Variants in GRM7 observed in about 807,000 individuals in gnomAD.
The protein encoded by GRM7 is glutamate metabotropic receptor 7.
GRM7 carries 35 observed loss-of-function variants against 84.5 expected under a neutral mutation model. That is an observed-to-expected ratio of 0.41 (90% CI 0.32 to 0.55). The LOEUF is 0.55. GRM7 is among the 20% of genes least tolerant of loss of function. GRM7 has a pLI of 0.19. For missense variants in GRM7, 1,003 were observed against 1,194.6 expected, an observed-to-expected ratio of 0.84 and a Z score of 2.36; for synonymous variants, 487 against 455.1, an observed-to-expected ratio of 1.07 and a Z score of -0.89.
chr3:6,963,314 A>G (rs1387474848), intron 1 of GRM7, among the ~76,000 whole-genome samples: 2 of 152,220 alleles, frequency 1.3e-5, no homozygotes, highest in African/African-American at 2.4e-5. Context: ...AGCAACCCCA[A>G]ATATCTACTA....
intron 8 of GRM7, among the ~76,000 whole-genome samples, chr3:7,653,180 C>CAT (rs1440978783): frequency 1.0e-4 from 9 of 89,518 alleles, no homozygotes; most frequent in African/African-American, 3.8e-4. Context: ...ATACTATATC[C>CAT]TTTTTTTTTT....
intron 2 of GRM7, among the ~76,000 whole-genome samples, chr3:7,267,331 G>GA (rs1354860713): frequency 3.9e-4 from 60 of 152,266 alleles, no homozygotes; most frequent in African/African-American, 1.4e-3. Flanking sequence ...AGGCTAATAA[G>GA]AAAAAGCATT....
intron 4 of GRM7, among the ~76,000 whole-genome samples, chr3:7,363,980 T>C (rs1400133147): frequency 7.2e-5 from 11 of 152,066 alleles, no homozygotes; most frequent in Admixed American, 7.2e-4. Flanking sequence ...AAAAAGAAAG[T>C]TTATTCTCCA....
At chr3:7,609,900 G>T (rs1431228732) in intron 8 of GRM7, among the ~76,000 whole-genome samples, 2 of 152,158 alleles carry the variant, frequency 1.3e-5, no homozygotes, top group Admixed American at 6.5e-5. Context: ...ACACCAGACA[G>T]AATTAAGTTC....
intron 4 of GRM7, among the ~76,000 whole-genome samples, chr3:7,356,615 T>G (rs765489890): frequency 2.8e-4 from 43 of 152,214 alleles, no homozygotes; most frequent in Non-Finnish European, 5.0e-4. Context: ...CAGAGGAAGA[T>G]TTTAATAATC....
At chr3:7,571,512 C>T (rs937879957) in intron 7 of GRM7, among the ~76,000 whole-genome samples, 5 of 151,872 alleles carry the variant, frequency 3.3e-5, no homozygotes, top group South Asian at 2.1e-4. Context: ...TGCTCCAGTT[C>T]CCAACAAGTT....
intron 9 of GRM7, chr3:7,693,514 T>C: frequency 1.4e-6 from 1 of 700,120 alleles, no homozygotes; most frequent in Non-Finnish European, 2.6e-6. Context: ...TACATTTTTG[T>C]TCTTGGACCT....
Position 6,863,120 on chromosome 3 carries a change from T to A in GRM7, c.519+1213T>A, listed in dbSNP as rs1694818970. 1 of 348,288 alleles carries A rather than the reference T, an allele frequency of 2.9e-6. No homozygotes were observed. 21.6% of individuals were successfully genotyped at this position (348,288 alleles called of 1,614,324 possible). On this transcript the variant is annotated intron_variant, in intron 1 of 9. Coordinates refer to ENST00000357716, the MANE Select transcript of GRM7 (RefSeq NM_000844.4). The surrounding 1 kb of genome is among the most constrained non-coding windows in gnomAD (Gnocchi z 4.8). ...ACTCTCTCTTTCTGTCTCTGTCTCC[T>A]TGCTGTTTTTTTTTTCTCTCTGTTT...
intron 7 of GRM7, among the ~76,000 whole-genome samples, chr3:7,542,070 T>C (rs1692910532): frequency 6.6e-6 from 1 of 152,224 alleles, no homozygotes; most frequent in Admixed American, 6.5e-5. Flanking sequence ...TCTCTTTTTA[T>C]GAGGACACTA....
chr3:6,969,818 C>T (rs1393247217), intron 1 of GRM7, among the ~76,000 whole-genome samples: 1 of 152,092 alleles, frequency 6.6e-6, no homozygotes, highest in Non-Finnish European at 1.5e-5. Context: ...AATCTCCATC[C>T]CCAGACAGAC....
intron 1 of GRM7, among the ~76,000 whole-genome samples, chr3:6,952,440 T>G (rs1692823882): frequency 6.6e-6 from 1 of 152,160 alleles, no homozygotes; most frequent in African/African-American, 2.4e-5. Flanking sequence ...GGTCTCTTTG[T>G]GTGCAGCTCT....
intron 9 of GRM7, among the ~76,000 whole-genome samples, chr3:7,738,804 T>C (rs1318490933): frequency 1.3e-5 from 2 of 151,960 alleles, no homozygotes; most frequent in African/African-American, 4.8e-5. Context: ...TGACTATTGC[T>C]TGCAACTGTC....
chr3:7,294,063 G>A (rs1400901795), intron 2 of GRM7, among the ~76,000 whole-genome samples: 1 of 152,154 alleles, frequency 6.6e-6, no homozygotes, highest in African/African-American at 2.4e-5. Flanking sequence ...TCTCTCTTCT[G>A]TTGAGGTGTT....
chr3:7,361,401 A>G (rs1442377266), intron 4 of GRM7, among the ~76,000 whole-genome samples: 1 of 152,092 alleles, frequency 6.6e-6, no homozygotes, highest in African/African-American at 2.4e-5. Flanking sequence ...TCCTAACCAT[A>G]TTTTATTGCA....
intron 2 of GRM7, among the ~76,000 whole-genome samples, chr3:7,220,912 G>C (rs1442995185): frequency 1.3e-5 from 2 of 152,080 alleles, no homozygotes; most frequent in Non-Finnish European, 2.9e-5. Context: ...GAGCAACATG[G>C]TGAAACCCTG....
At chr3:7,309,060 A>C (rs1486954280) in intron 4 of GRM7, among the ~76,000 whole-genome samples, 1 of 152,200 alleles carries the variant, frequency 6.6e-6, no homozygotes, top group Admixed American at 6.5e-5. Flanking sequence ...AGTTCATATG[A>C]AATTTTCTAA....
At chr3:7,210,753 A>C (rs2124845164) in intron 2 of GRM7, among the ~76,000 whole-genome samples, 1 of 152,282 alleles carries the variant, frequency 6.6e-6, no homozygotes, top group South Asian at 2.1e-4. Flanking sequence ...GTGATAGGAA[A>C]GACAAAAAGA....
intron 3 of GRM7, 60 bp downstream of exon 3, chr3:7,298,885 T>C: frequency 7.0e-7 from 1 of 1,425,556 alleles, no homozygotes; most frequent in Non-Finnish European, 9.9e-7. Flanking sequence ...GAGAGAAAGA[T>C]TAGGCTGCTG....
intron 7 of GRM7, among the ~76,000 whole-genome samples, chr3:7,567,779 A>G (rs1694386893): frequency 7.2e-6 from 1 of 138,316 alleles, no homozygotes; most frequent in Non-Finnish European, 1.6e-5. Flanking sequence ...AAAAAAAAAA[A>G]AAAAAAGACA....
Sources: gnomAD v4.1 joint callset for allele counts (sites outside exome capture counted in the v4.1 genomes callset) on GRCh38, gnomAD v4.1.1 for gene constraint, Gnocchi (gnomAD v3.1) non-coding constraint, MANE v1.5 for transcripts, NCBI Gene and HGNC (gene_info 2026-07-23, HGNC 2026-07-21) for gene names.